ADGRL3: variants seen among roughly 807,000 people sequenced by gnomAD.
The protein encoded by ADGRL3 is calcium-independent alpha-latrotoxin receptor 3.
A neutral mutation model predicts 153.5 loss-of-function variants in ADGRL3; 62 were observed. That is an observed-to-expected ratio of 0.40 (90% CI 0.33 to 0.50). ADGRL3 has a LOEUF of 0.50. ADGRL3 is among the 20% of genes least tolerant of loss of function. The pLI is 0.47. For synonymous variants in ADGRL3, 710 were observed against 672.5 expected (o/e 1.06, Z -0.86); for missense variants, 1,641 against 1,859.4 (o/e 0.88, Z 2.16).
intron 9 of ADGRL3, among the ~76,000 whole-genome samples, chr4:61,828,537 A>G (rs182269354): frequency 3.9e-5 from 6 of 152,268 alleles, no homozygotes. Context: ...TTAAAAGCAA[A>G]TCTTCAGAGT....
chr4:62,007,463 T>C (rs1223970256), intron 21 of ADGRL3, among the ~76,000 whole-genome samples: 3 of 130,502 alleles, frequency 2.3e-5, no homozygotes, highest in African/African-American at 6.5e-5. Context: ...TATACATATA[T>C]GTGTGTGTAT....
At chr4:62,012,998 G>A (rs891295384) in intron 21 of ADGRL3, among the ~76,000 whole-genome samples, 4 of 152,188 alleles carry the variant, frequency 2.6e-5, no homozygotes, top group Non-Finnish European at 5.9e-5. Context: ...AAGAATCAAA[G>A]GGAGCAGCAG....
chr4:61,212,215 A>G (rs1336480576), intron 1 of ADGRL3: 1 of 152,210 alleles, frequency 6.6e-6, no homozygotes, highest in South Asian at 2.1e-4. Flanking sequence ...TACAGCATAA[A>G]ATAAATGCAA....
chr4:61,397,986 G>A (rs537003753), intron 2 of ADGRL3, among the ~76,000 whole-genome samples: 1 of 151,876 alleles, frequency 6.6e-6, no homozygotes, highest in South Asian at 2.1e-4. Context: ...AATTTCTGGA[G>A]GGAGCCATTC....
At chr4:61,816,803 C>T (rs537062856) in intron 9 of ADGRL3, among the ~76,000 whole-genome samples, 2 of 152,086 alleles carry the variant, frequency 1.3e-5, no homozygotes, top group Non-Finnish European at 2.9e-5. Context: ...GGAACAGGCA[C>T]CCCCTACCAA....
At chr4:61,515,841 T>C (rs2098490512) in intron 3 of ADGRL3, among the ~76,000 whole-genome samples, 2 of 152,174 alleles carry the variant, frequency 1.3e-5, no homozygotes, top group South Asian at 4.1e-4. Flanking sequence ...AGGGATATCT[T>C]AGGAGCCAAA....
chr4:61,773,939 A>G (rs1255132075), intron 8 of ADGRL3, among the ~76,000 whole-genome samples: 1 of 152,208 alleles, frequency 6.6e-6, no homozygotes, highest in Admixed American at 6.5e-5. Context: ...ATATGCGGGA[A>G]ACTAATGGAA....
chr4:61,325,362 A>G (rs1436767491), intron 1 of ADGRL3, among the ~76,000 whole-genome samples: 1 of 152,198 alleles, frequency 6.6e-6, no homozygotes, highest in Non-Finnish European at 1.5e-5. Context: ...TAGACAATTT[A>G]TAACATACAT....
At chr4:61,799,545 C>G (rs756762936) in intron 8 of ADGRL3, among the ~76,000 whole-genome samples, 1 of 152,094 alleles carries the variant, frequency 6.6e-6, no homozygotes, top group Non-Finnish European at 1.5e-5. Context: ...GGTTTGCTGA[C>G]CCCTACTCTA....
chr4:61,260,278 A>C (rs1505674), intron 1 of ADGRL3, among the ~76,000 whole-genome samples: 33,019 of 152,172 alleles, frequency 0.22, 3,773 homozygotes, highest in South Asian at 0.35. Flanking sequence ...TTTTATTATT[A>C]CCTTTTACTA....
At chr4:61,542,134 C>G (rs2098693196) in intron 4 of ADGRL3, among the ~76,000 whole-genome samples, 2 of 152,048 alleles carry the variant, frequency 1.3e-5, no homozygotes, top group Non-Finnish European at 2.9e-5. Flanking sequence ...TAACTGGAAT[C>G]TGGATACTCT....
intron 4 of ADGRL3, among the ~76,000 whole-genome samples, chr4:61,550,627 G>A (rs2098735947): frequency 1.3e-5 from 2 of 148,284 alleles, no homozygotes; most frequent in South Asian, 4.4e-4. Context: ...AGTCAAGCGA[G>A]GATAGCAAAG....
intron 2 of ADGRL3, among the ~76,000 whole-genome samples, chr4:61,472,347 T>C (rs2097968534): frequency 6.6e-6 from 1 of 152,150 alleles, no homozygotes; most frequent in African/African-American, 2.4e-5. Flanking sequence ...CTAGTGCCTC[T>C]GACTCAGTGT....
intron 21 of ADGRL3, among the ~76,000 whole-genome samples, chr4:62,018,466 G>T (rs2099223354): frequency 6.6e-6 from 1 of 152,108 alleles, no homozygotes; most frequent in South Asian, 2.1e-4. Flanking sequence ...GAGATTTTCA[G>T]CATCGCAGTG....
chr4:61,491,127 T>C (rs911940726), intron 2 of ADGRL3, among the ~76,000 whole-genome samples: 4 of 152,156 alleles, frequency 2.6e-5, no homozygotes, highest in Admixed American at 2.6e-4. Context: ...TCTGGGTTAA[T>C]TGTATCATAG....
rs188016069 is a variant in ADGRL3 at position 61,949,469 on chromosome 4, G to A, written c.2805+1193G>A. On this transcript the variant is annotated intron_variant, in intron 17 of 26. Coordinates refer to ENST00000683033, the MANE Select transcript of ADGRL3 (RefSeq NM_001387552.1). Reference sequence around the variant, plus strand: ...TCCCAGCACTTTGGGAGGCCAAGACGGGAGGATCATTCAGGGTCAGGAGTT... The same window carrying A: ...TCCCAGCACTTTGGGAGGCCAAGACAGGAGGATCATTCAGGGTCAGGAGTT... Among the ~76,000 whole-genome samples the A allele has an allele frequency of 8.5e-5, 13 of 152,168 alleles. No homozygotes were observed. In the East Asian group the frequency reaches 1.9e-3, roughly 23 times the overall value.
chr4:61,357,965 C>T (rs1317448899), intron 1 of ADGRL3, among the ~76,000 whole-genome samples: 2 of 152,088 alleles, frequency 1.3e-5, no homozygotes, highest in Non-Finnish European at 2.9e-5. Flanking sequence ...TAATTATGAA[C>T]AATTTATTTA....
chr4:61,632,429 A>G (rs1174776213), intron 5 of ADGRL3, among the ~76,000 whole-genome samples: 3 of 152,184 alleles, frequency 2.0e-5, no homozygotes, highest in African/African-American at 4.8e-5. Context: ...TTAAAAATCA[A>G]TGAAGGAATT....
chr4:61,314,391 T>A (rs1418102642), intron 1 of ADGRL3, among the ~76,000 whole-genome samples: 8 of 152,106 alleles, frequency 5.3e-5, no homozygotes, highest in Admixed American at 5.2e-4. Context: ...GTATTTTTAG[T>A]AGAGATGGGG....
Sources: gnomAD v4.1 joint callset for allele counts (sites outside exome capture counted in the v4.1 genomes callset) on GRCh38, gnomAD v4.1.1 for gene constraint, MANE v1.5 for transcripts, NCBI Gene and HGNC (gene_info 2026-07-23, HGNC 2026-07-21) for gene names.